Variants in THRB observed in about 807,000 individuals in gnomAD.
THRB encodes the protein thyroid hormone receptor beta, also known as nuclear receptor subfamily 1 group A member 2.
A neutral mutation model predicts 47.8 loss-of-function variants in THRB; 12 were observed. That is an observed-to-expected ratio of 0.25 (90% CI 0.16 to 0.41). THRB has a LOEUF of 0.41. THRB is among the 10% of genes least tolerant of loss of function. THRB has a pLI of 1.00. For synonymous variants in THRB, 218 were observed against 212.2 expected (o/e 1.03, Z -0.24); for missense variants, 348 against 589.2 (o/e 0.59, Z 4.24).
chr3:24,275,405 C>G (rs2053808619), intron 3 of THRB, among the ~76,000 whole-genome samples: 1 of 152,184 alleles, frequency 6.6e-6, no homozygotes. Flanking sequence ...ACACTCTGAA[C>G]TTTCTTAAAA....
chr3:24,301,782 A>C (rs1041794807), intron 2 of THRB, among the ~76,000 whole-genome samples: 2 of 152,338 alleles, frequency 1.3e-5, no homozygotes, highest in Non-Finnish European at 1.5e-5. Context: ...TTAAGGGTAC[A>C]GATTTTGAGA....
At chr3:24,356,288 C>T (rs568766857) in intron 1 of THRB, among the ~76,000 whole-genome samples, 32 of 152,242 alleles carry the variant, frequency 2.1e-4, no homozygotes, top group Admixed American at 7.2e-4. Flanking sequence ...GGTCCTGAAC[C>T]GCCTCAAAGG....
intron 1 of THRB, among the ~76,000 whole-genome samples, chr3:24,492,266 T>G (rs1698262339): frequency 6.6e-6 from 1 of 152,198 alleles, no homozygotes; most frequent in Non-Finnish European, 1.5e-5. Flanking sequence ...GCTCATGGAT[T>G]CGATATTCTA....
chr3:24,232,885 T>C (rs1228043553), intron 3 of THRB, among the ~76,000 whole-genome samples: 2 of 152,168 alleles, frequency 1.3e-5, no homozygotes, highest in African/African-American at 4.8e-5. Flanking sequence ...CGGATGCAGA[T>C]AGGTTAAGAT....
intron 3 of THRB, among the ~76,000 whole-genome samples, chr3:24,286,245 A>G (rs1183203836): frequency 6.6e-6 from 1 of 152,200 alleles, no homozygotes; most frequent in African/African-American, 2.4e-5. Flanking sequence ...GAACTATGAC[A>G]TACCTCTTCC....
intron 1 of THRB, among the ~76,000 whole-genome samples, chr3:24,370,066 C>T (rs2064789849): frequency 6.6e-6 from 1 of 152,068 alleles, no homozygotes; most frequent in Non-Finnish European, 1.5e-5. Flanking sequence ...TACTAAAACT[C>T]AACAGTAACT....
In THRB at chr3:24,119,388, A is replaced by C. The variant is rs931945942; in HGVS notation, c.*3496T>G. 6.6e-6 allele frequency: 1 copy of C among 152,202 alleles called. No individual in the cohort carries two copies. The allele number at this position is 152,202 out of a possible 1,614,324, so 9.4% of individuals were successfully genotyped here. ...ATGCTGGCTACATTTCAAAAACTGT[A>C]AGACTGATTTCATAATTTATGACTC... On this transcript the variant is annotated 3_prime_UTR_variant, in exon 11 of 11. Coordinates refer to ENST00000646209, the MANE Select transcript of THRB (RefSeq NM_001354712.2).
At chr3:24,133,274 CTATAAT>C in intron 9 of THRB, 36 bp downstream of exon 9, 2 of 1,608,504 alleles carry the variant, frequency 1.2e-6, no homozygotes, top group Non-Finnish European at 1.7e-6. Flanking sequence ...ACTGATGAAA[CTATAAT>C]TAAGAATAAT....
chr3:24,223,659 C>T (rs879599157), intron 4 of THRB, among the ~76,000 whole-genome samples: 1 of 151,856 alleles, frequency 6.6e-6, no homozygotes, highest in Non-Finnish European at 1.5e-5. Flanking sequence ...TTACAACTTT[C>T]CTGTAAGTAT....
intron 1 of THRB, among the ~76,000 whole-genome samples, chr3:24,395,695 C>G (rs570060330): frequency 6.6e-6 from 1 of 152,204 alleles, no homozygotes; most frequent in African/African-American, 2.4e-5. Context: ...CTTTGGAAAA[C>G]AGTCTGGCAG....
At chr3:24,237,627 T>C (rs1435528709) in intron 3 of THRB, among the ~76,000 whole-genome samples, 1 of 152,132 alleles carries the variant, frequency 6.6e-6, no homozygotes, top group Non-Finnish European at 1.5e-5. Context: ...GCCACTTAAA[T>C]ATGGGATACT....
Position 24,447,038 on chromosome 3 carries a change from C to A in THRB, c.-261+47614G>T, listed in dbSNP as rs543897503. 4.5e-4 allele frequency among the ~76,000 whole-genome samples: 69 copies of A among 152,202 alleles called. 3 individuals carry two copies. The South Asian group carries it at 0.014, about 30-fold the overall frequency. The stretch of plus-strand genomic sequence containing the variant: ...GGGGACACAGTTATGCAAATATAGC[C>A]TCCATTTTTATAAGAAATGAAGGAA... On this transcript the variant is annotated intron_variant, in intron 1 of 10. Transcript: ENST00000646209.
chr3:24,436,318 AC>A (rs2070944886), intron 1 of THRB, among the ~76,000 whole-genome samples: 1 of 152,130 alleles, frequency 6.6e-6, no homozygotes, highest in African/African-American at 2.4e-5. Flanking sequence ...CATAAGAACT[AC>A]ATACACCACT....
intron 2 of THRB, among the ~76,000 whole-genome samples, chr3:24,303,936 A>C (rs956239025): frequency 2.6e-5 from 4 of 152,190 alleles, no homozygotes; most frequent in African/African-American, 7.2e-5. Context: ...TCCAGGAATA[A>C]ATTTTTCTTG....
chr3:24,262,462 G>A (rs1395905347), intron 3 of THRB, among the ~76,000 whole-genome samples: 1 of 152,166 alleles, frequency 6.6e-6, no homozygotes, highest in Non-Finnish European at 1.5e-5. Context: ...CACACTTGGG[G>A]TAAAAACCAA....
chr3:24,288,362 C>T (rs1316141979), intron 3 of THRB, among the ~76,000 whole-genome samples: 2 of 152,336 alleles, frequency 1.3e-5, no homozygotes, highest in Admixed American at 6.5e-5. Flanking sequence ...ACATTCCATA[C>T]TACCTAGAAA....
At chr3:24,440,956 G>GC (rs2071466806) in intron 1 of THRB, among the ~76,000 whole-genome samples, 2 of 152,210 alleles carry the variant, frequency 1.3e-5, no homozygotes, top group Admixed American at 1.3e-4. Context: ...AGTTAGTTCA[G>GC]CCCTTTGTTC....
At chr3:24,411,418 T>C (rs1205239779) in intron 1 of THRB, among the ~76,000 whole-genome samples, 1 of 151,772 alleles carries the variant, frequency 6.6e-6, no homozygotes, top group African/African-American at 2.4e-5. Context: ...TGAGCAATCA[T>C]AATGTCACTG....
intron 1 of THRB, among the ~76,000 whole-genome samples, chr3:24,468,900 A>G (rs2074349124): frequency 6.6e-6 from 1 of 152,018 alleles, no homozygotes; most frequent in Admixed American, 6.5e-5. Context: ...ACAAACTTTC[A>G]GTTTGTAAAA....
Sources: gnomAD v4.1 joint callset for allele counts (sites outside exome capture counted in the v4.1 genomes callset) on GRCh38, gnomAD v4.1.1 for gene constraint, MANE v1.5 for transcripts, NCBI Gene and HGNC (gene_info 2026-07-23, HGNC 2026-07-21) for gene names.